The following CLEC1A variants were observed in gnomAD, a reference collection of about 807,000 sequenced individuals.
CLEC1A encodes the protein C-type lectin-like receptor-1.
A neutral mutation model predicts 28.7 loss-of-function variants in CLEC1A; 34 were observed. That is an observed-to-expected ratio of 1.18 (90% CI 0.90 to 1.57). The LOEUF (loss-of-function observed/expected upper bound fraction) is 1.57, where lower values mean the gene tolerates loss of function less well. Ranked by LOEUF, CLEC1A falls within the 40% of genes most tolerant of loss-of-function variation. The pLI is 0.00. For synonymous variants in CLEC1A, 116 were observed against 121.0 expected (o/e 0.96, Z 0.27); for missense variants, 385 against 339.5 (o/e 1.13, Z -1.05).
In CLEC1A at chr12:10,071,546, C is replaced by T. The variant is rs186622934; in HGVS notation, c.663-33G>A. 20 of 1,478,664 alleles carry T rather than the reference C, an allele frequency of 1.4e-5. No individual in the cohort carries two copies. The Middle Eastern group carries it at 5.4e-4, about 40-fold the overall frequency. The allele number at this position is 1,478,664 out of a possible 1,614,324, so 91.6% of individuals were successfully genotyped here. On this transcript the variant is annotated intron_variant, in intron 5 of 5. Transcript: ENST00000315330. ...AAGGAAGAAAAAGTAAATTCAATCA[C>T]GGTTTATTTCTAAAATAAAATATTA...
At chr12:10,076,121 A>G (rs1358008800) in intron 3 of CLEC1A, among the ~76,000 whole-genome samples, 1 of 152,222 alleles carries the variant, frequency 6.6e-6, no homozygotes, top group African/African-American at 2.4e-5. Flanking sequence ...AAGGAAAAAA[A>G]TACTGAGGCA....
intron 1 of CLEC1A, among the ~76,000 whole-genome samples, chr12:10,096,609 A>T (rs1947779840): frequency 6.6e-6 from 1 of 151,568 alleles, no homozygotes; most frequent in African/African-American, 2.4e-5. Flanking sequence ...ATTAAACTAG[A>T]TCAGCATGCC....
At chr12:10,089,284 A>C (rs943477673) in intron 1 of CLEC1A, 62 bp from the exon 2 acceptor site, 1 of 1,359,746 alleles carries the variant, frequency 7.4e-7, no homozygotes, top group African/African-American at 1.4e-5. Flanking sequence ...CTAAGTCAAT[A>C]ACAGGTAAGG....
intron 5 of CLEC1A, among the ~76,000 whole-genome samples, chr12:10,072,495 A>G (rs936927536): frequency 1.3e-5 from 2 of 152,112 alleles, no homozygotes; most frequent in Non-Finnish European, 2.9e-5. Context: ...TGTGTTTTTT[A>G]AAAGATGTGC....
intron 1 of CLEC1A, among the ~76,000 whole-genome samples, chr12:10,092,012 G>A (rs1262795479): frequency 1.4e-5 from 1 of 69,824 alleles, no homozygotes; most frequent in African/African-American, 3.1e-5. Context: ...TGAATGAATA[G>A]GTCCATTATA....
rs904441056 is a variant in CLEC1A, at chr12:10,071,048, G to A, written c.*285C>T. 4.2e-6 allele frequency: 1 copy of A among 237,218 alleles called. No homozygotes were observed. The highest frequency in any genetic ancestry group is 8.1e-6 in the Non-Finnish European group (1 of 123,914). The allele number at this position is 237,218 out of a possible 1,614,324, so 14.7% of individuals were successfully genotyped here. ...ACAGGGAGGTGATATTAGACATTGA[G>A]AAGAAAGAGAGCTAAAAGTTATCTC... On this transcript the variant is annotated 3_prime_UTR_variant, in exon 6 of 6. Transcript: ENST00000315330.
At chr12:10,074,819 A>G (rs1268945021) in intron 4 of CLEC1A, among the ~76,000 whole-genome samples, 1 of 152,232 alleles carries the variant, frequency 6.6e-6, no homozygotes, top group Non-Finnish European at 1.5e-5. Flanking sequence ...ATTTAATTCA[A>G]TTAAATAACC....
chr12:10,098,380 A>C (rs1947805449), intron 1 of CLEC1A, among the ~76,000 whole-genome samples: 1 of 152,246 alleles, frequency 6.6e-6, no homozygotes, highest in South Asian at 2.1e-4. Context: ...TATTTAAAAC[A>C]CTGCCAGCAC....
intron 5 of CLEC1A, 152 bp from the exon 6 acceptor site, chr12:10,071,665 C>A: frequency 1.7e-6 from 1 of 595,606 alleles, no homozygotes; most frequent in Non-Finnish European, 2.7e-6. Flanking sequence ...TCTCTTCAGC[C>A]CCTAAGTTTC....
At chr12:10,072,309 G>C (rs150070170) in intron 5 of CLEC1A, among the ~76,000 whole-genome samples, 1 of 152,136 alleles carries the variant, frequency 6.6e-6, no homozygotes, top group Non-Finnish European at 1.5e-5. Flanking sequence ...GCAGGATTGT[G>C]AGCCAATTAA....
chr12:10,085,927 A>T (rs1329079545), intron 2 of CLEC1A, among the ~76,000 whole-genome samples: 2 of 152,246 alleles, frequency 1.3e-5, no homozygotes, highest in African/African-American at 4.8e-5. Flanking sequence ...CAAAGGCCAT[A>T]TGATAGGCCA....
intron 3 of CLEC1A, among the ~76,000 whole-genome samples, chr12:10,078,411 C>T: frequency 6.6e-6 from 1 of 152,220 alleles, no homozygotes; most frequent in Non-Finnish European, 1.5e-5. Context: ...TAACTTAAAG[C>T]TTATTATTTC....
chr12:10,085,822 C>T (rs1866481677), intron 2 of CLEC1A, among the ~76,000 whole-genome samples: 1 of 152,118 alleles, frequency 6.6e-6, no homozygotes, highest in African/African-American at 2.4e-5. Flanking sequence ...AAACTATATC[C>T]TAGGACAAAT....
At chr12:10,085,758 G>A (rs1044350981) in intron 2 of CLEC1A, among the ~76,000 whole-genome samples, 1 of 152,058 alleles carries the variant, frequency 6.6e-6, no homozygotes, top group African/African-American at 2.4e-5. Flanking sequence ...CACTAGACAG[G>A]TCTTGAAGAC....
chr12:10,097,758 G>T (rs1049400134), intron 1 of CLEC1A, among the ~76,000 whole-genome samples: 6 of 152,210 alleles, frequency 3.9e-5, no homozygotes, highest in Non-Finnish European at 7.4e-5. Flanking sequence ...CCGTAAAAAT[G>T]GACTCTTCGT....
At chr12:10,080,381 G>A (rs1019719275) in intron 3 of CLEC1A, among the ~76,000 whole-genome samples, 10 of 152,096 alleles carry the variant, frequency 6.6e-5, no homozygotes, top group African/African-American at 2.4e-4. Flanking sequence ...GAGGTCATTA[G>A]TTATGTAGGA....
At chr12:10,089,942 C>A (rs1866578049) in intron 1 of CLEC1A, among the ~76,000 whole-genome samples, 1 of 152,168 alleles carries the variant, frequency 6.6e-6, no homozygotes, top group African/African-American at 2.4e-5. Flanking sequence ...TCCTCGCCCT[C>A]CATTCCCATA....
intron 2 of CLEC1A, among the ~76,000 whole-genome samples, chr12:10,087,992 C>T (rs1263803743): frequency 2.0e-5 from 3 of 151,842 alleles, no homozygotes; most frequent in Non-Finnish European, 4.4e-5. Flanking sequence ...AACATAAAAC[C>T]GCCAATCTGT....
intron 3 of CLEC1A, among the ~76,000 whole-genome samples, chr12:10,076,162 T>G (rs1866247506): frequency 6.6e-6 from 1 of 152,188 alleles, no homozygotes; most frequent in Non-Finnish European, 1.5e-5. Context: ...AATCTCCATG[T>G]GTCACAAATT....
Sources: allele counts gnomAD v4.1 joint callset (sites outside exome capture counted in the v4.1 genomes callset), GRCh38; gene constraint gnomAD v4.1.1; transcripts MANE v1.5; gene names NCBI Gene and HGNC (gene_info 2026-07-23, HGNC 2026-07-21).